TNRC6A: variants seen among roughly 807,000 people sequenced by gnomAD.
TNRC6A encodes the protein trinucleotide repeat-containing gene 6A protein.
TNRC6A carries 44 observed loss-of-function variants against 221.2 expected under a neutral mutation model. The observed-to-expected ratio is 0.20, with a 90% CI of 0.16 to 0.26. The LOEUF is 0.26. Ranked by LOEUF, TNRC6A falls within the 10% of genes least tolerant of loss-of-function variation. The pLI is 1.00. For synonymous variants in TNRC6A, 847 were observed against 838.5 expected (o/e 1.01, Z -0.18); for missense variants, 2,199 against 2,404.4 (o/e 0.91, Z 1.79).
In TNRC6A at chr16:24,804,225, TTGGTGATTACAA is replaced by T; in HGVS notation, c.3745_3756del (p.Gly1249_Asn1252del). The T allele has an allele frequency of 1.2e-6, 2 of 1,613,534 alleles. No individual in the cohort carries two copies. Among genetic ancestry groups the T allele is most frequent in the Non-Finnish European group, 1.7e-6 (2 of 1,179,874 alleles). On this transcript the variant is annotated inframe_deletion, in exon 12 of 25. Coordinates refer to ENST00000395799, the MANE Select transcript of TNRC6A (RefSeq NM_014494.4). Reference sequence around the variant, plus strand: ...GAGATAGATAAACATAGCCTAAATATTGGTGATTACAATCGAACGGTCGGGAAAGGCCCTGGT... The same window carrying T: ...GAGATAGATAAACATAGCCTAAATATTCGAACGGTCGGGAAAGGCCCTGGT...
chr16:24,705,478 C>T (rs2056077937), intron 2 of TNRC6A, among the ~76,000 whole-genome samples: 1 of 152,100 alleles, frequency 6.6e-6, no homozygotes, highest in African/African-American at 2.4e-5. Context: ...ATTACAGGCA[C>T]ATGCCACCAT....
In TNRC6A at chr16:24,750,809, A is replaced by G; in HGVS notation, c.137A>G (p.Lys46Arg). Residue 46 changes from lysine to arginine, a missense_variant, in exon 3 of 25, where the codon AAG becomes AGG. Lys to Arg is a conservative substitution (Grantham distance 26). Around this residue, in one of 8 missense-constraint regions of TNRC6A, gnomAD observed 1,405 missense variants for 1,400.2 expected, o/e 1.00. Coordinates refer to ENST00000395799, the MANE Select transcript of TNRC6A (RefSeq NM_014494.4). ...AAGAAAAAGAAGGAAGCTGCTCAAA[A>G]GAAGGTAGTATGTGTGTAAACTATT... ...DDKKKKEAAQ[K>R]KATEQKIKVP... The G allele has an allele frequency of 2.6e-6, 4 of 1,552,726 alleles. No homozygotes were observed. Among genetic ancestry groups the G allele is most frequent in the Non-Finnish European group, 3.5e-6 (4 of 1,153,694 alleles).
intron 22 of TNRC6A, among the ~76,000 whole-genome samples, chr16:24,820,914 G>A (rs1201509057): frequency 2.6e-5 from 4 of 152,076 alleles, no homozygotes; most frequent in Non-Finnish European, 4.4e-5. Flanking sequence ...TACACACACA[G>A]CCCCAGATGA....
At chr16:24,698,894 G>A (rs1378444948) in intron 2 of TNRC6A, among the ~76,000 whole-genome samples, 1 of 152,120 alleles carries the variant, frequency 6.6e-6, no homozygotes, top group Non-Finnish European at 1.5e-5. Context: ...ATTTTTAGTA[G>A]AGACGGGGTT....
intron 17 of TNRC6A, among the ~76,000 whole-genome samples, chr16:24,807,492 C>T (rs1167159368): frequency 6.6e-6 from 1 of 152,182 alleles, no homozygotes; most frequent in African/African-American, 2.4e-5. Flanking sequence ...TTTGGTGAAA[C>T]AGCTGGGGAT....
At chr16:24,771,523 T>TGTTATGTTATGTTATGTTAC in intron 4 of TNRC6A, among the ~76,000 whole-genome samples, 1 of 90,422 alleles carries the variant, frequency 1.1e-5, no homozygotes, top group Non-Finnish European at 2.1e-5. Context: ...GTGCATGTTA[T>TGTTATGTTATGTTATGTTAC]GTTATGTTAT....
chr16:24,780,347 A>G (rs966766849), intron 5 of TNRC6A, among the ~76,000 whole-genome samples: 2 of 152,172 alleles, frequency 1.3e-5, no homozygotes, highest in Admixed American at 6.5e-5. Context: ...TGGCACTTCA[A>G]CTTTAATCCT....
intron 11 of TNRC6A, among the ~76,000 whole-genome samples, chr16:24,799,826 A>G (rs978273013): frequency 2.6e-5 from 4 of 152,108 alleles, no homozygotes; most frequent in Non-Finnish European, 4.4e-5. Flanking sequence ...CCAAACCTTC[A>G]TTCACAAAGG....
At chr16:24,717,227 G>C (rs1190058025) in intron 2 of TNRC6A, among the ~76,000 whole-genome samples, 1 of 152,090 alleles carries the variant, frequency 6.6e-6, no homozygotes, top group African/African-American at 2.4e-5. Flanking sequence ...TAGGACTACA[G>C]GCATGAGTCA....
At chr16:24,653,384 A>G (rs763894937) in intron 2 of TNRC6A, among the ~76,000 whole-genome samples, 1 of 152,228 alleles carries the variant, frequency 6.6e-6, no homozygotes, top group Non-Finnish European at 1.5e-5. Flanking sequence ...AGCCTAATGC[A>G]AAGTGAATCA....
intron 1 of TNRC6A, 138 bp from the exon 2 acceptor site, chr16:24,730,115 A>G (rs2056590064): frequency 3.9e-6 from 3 of 761,024 alleles, no homozygotes; most frequent in Non-Finnish European, 5.7e-6. Context: ...CAGCTTTGTG[A>G]GTCCCCCTCC....
chr16:24,682,841 G>A (rs185402219), intron 2 of TNRC6A, among the ~76,000 whole-genome samples: 31 of 152,312 alleles, frequency 2.0e-4, no homozygotes, highest in Admixed American at 1.1e-3. Flanking sequence ...GAAGCCAGAA[G>A]ACAAGGGAGC....
chr16:24,719,219 G>T (rs1257390956), intron 2 of TNRC6A, among the ~76,000 whole-genome samples: 2 of 152,078 alleles, frequency 1.3e-5, no homozygotes, highest in South Asian at 4.1e-4. Flanking sequence ...AAAAAATCAG[G>T]AGTACCAAAG....
rs1902874552 is a variant in TNRC6A at position 24,654,811 on chromosome 16, AAATTACT to A, written n.402+13807_402+13813del. On this transcript the variant is annotated intron_variant and non_coding_transcript_variant, in intron 2 of 2. Transcript: ENST00000566108. Reference sequence around the variant, plus strand: ...TAAAGTAAATTTCAGTAATTTTACTAAATTACTAATTTTAACCTAAAACTCACCAATT... The same window carrying A: ...TAAAGTAAATTTCAGTAATTTTACTAAATTTTAACCTAAAACTCACCAATT... Among the ~76,000 whole-genome samples, 2 of 152,242 alleles carry A rather than the reference AAATTACT, an allele frequency of 1.3e-5. 1 individual carries two copies. The highest frequency in any genetic ancestry group is 4.1e-4 in the South Asian group (2 of 4,838).
intron 2 of TNRC6A, chr16:24,662,671 A>C (rs1019783691): frequency 1.3e-5 from 2 of 153,714 alleles, no homozygotes; most frequent in African/African-American, 4.8e-5. Context: ...GGCCATTAGC[A>C]GTGCAAGCAG....
At chr16:24,760,800 G>T (rs1018014975) in intron 4 of TNRC6A, among the ~76,000 whole-genome samples, 1 of 152,058 alleles carries the variant, frequency 6.6e-6, no homozygotes, top group East Asian at 1.9e-4. Context: ...TCTCATATAC[G>T]CTTCATTCAG....
intron 2 of TNRC6A, among the ~76,000 whole-genome samples, chr16:24,667,601 C>T (rs1049535177): frequency 2.0e-5 from 3 of 152,146 alleles, no homozygotes; most frequent in Non-Finnish European, 4.4e-5. Context: ...AAGTACTGAA[C>T]CTCATTAAGC....
intron 2 of TNRC6A, among the ~76,000 whole-genome samples, chr16:24,696,712 G>C (rs1218921179): frequency 2.3e-5 from 2 of 88,322 alleles, no homozygotes; most frequent in African/African-American, 5.2e-5. Flanking sequence ...CTGGGCAACA[G>C]AGCGAGACCC....
intron 19 of TNRC6A, chr16:24,816,288 C>CA (rs2058656933): frequency 6.6e-6 from 1 of 151,024 alleles, no homozygotes; most frequent in African/African-American, 2.5e-5. Context: ...AAGATCATGC[C>CA]ACTGCACTCC....
Sources: gnomAD v4.1 joint callset for allele counts (sites outside exome capture counted in the v4.1 genomes callset) on GRCh38, gnomAD v4.1.1 for gene constraint, gnomAD v4.1.1 regional missense constraint, MANE v1.5 for transcripts, NCBI Gene and HGNC (gene_info 2026-07-23, HGNC 2026-07-21) for gene names.